The following LRRTM4 variants were observed in gnomAD, a reference collection of about 807,000 sequenced individuals.
LRRTM4 encodes leucine-rich repeat transmembrane neuronal protein 4.
In LRRTM4, 25 loss-of-function variants were observed where a neutral mutation model predicts 47.6. The observed-to-expected ratio is 0.53, with a 90% CI of 0.38 to 0.73. The LOEUF is 0.73. LRRTM4 is among the 30% of genes least tolerant of loss of function. LRRTM4 has a pLI of 0.00. For synonymous variants in LRRTM4, 311 were observed against 269.5 expected (o/e 1.15, Z -1.51); for missense variants, 638 against 713.4 (o/e 0.89, Z 1.20).
At chr2:77,139,678 C>G (rs1368435379) in intron 3 of LRRTM4, among the ~76,000 whole-genome samples, 1 of 152,140 alleles carries the variant, frequency 6.6e-6, no homozygotes, top group Non-Finnish European at 1.5e-5. Flanking sequence ...AAGAGGAAGT[C>G]AAATTGTCCC....
At chr2:76,791,174 C>A (rs561794878) in intron 3 of LRRTM4, among the ~76,000 whole-genome samples, 1 of 152,210 alleles carries the variant, frequency 6.6e-6, no homozygotes, top group African/African-American at 2.4e-5. Flanking sequence ...AATGATAGAA[C>A]CACAGGGCAT....
At chr2:76,880,658 T>C (rs1172895711) in intron 3 of LRRTM4, among the ~76,000 whole-genome samples, 3 of 152,106 alleles carry the variant, frequency 2.0e-5, no homozygotes, top group Non-Finnish European at 4.4e-5. Flanking sequence ...AAAAAACCTC[T>C]GTGGGGCCAG....
intron 3 of LRRTM4, among the ~76,000 whole-genome samples, chr2:77,460,289 G>A (rs1424948665): frequency 6.6e-6 from 1 of 152,072 alleles, no homozygotes; most frequent in African/African-American, 2.4e-5. Flanking sequence ...CATATTAACT[G>A]CATTTTATTA....
At chr2:77,516,418 G>T (rs1233403173) in intron 3 of LRRTM4, among the ~76,000 whole-genome samples, 1 of 151,566 alleles carries the variant, frequency 6.6e-6, no homozygotes, top group Non-Finnish European at 1.5e-5. Context: ...CTCAAATCCT[G>T]GTTCTTTAAG....
At chr2:77,162,580 C>T (rs112044152) in intron 3 of LRRTM4, among the ~76,000 whole-genome samples, 5,987 of 152,146 alleles carry the variant, frequency 0.039, 229 homozygotes, top group African/African-American at 0.099. Flanking sequence ...CAGTAGGGAC[C>T]GACTGACCCC....
chr2:77,515,167 A>G (rs1922823), intron 3 of LRRTM4, among the ~76,000 whole-genome samples: 91,349 of 151,602 alleles, frequency 0.6, 27,910 homozygotes, highest in Non-Finnish European at 0.64. Context: ...GCTATAATTC[A>G]TATTAATTAC....
chr2:77,176,093 C>T (rs1025796594), intron 3 of LRRTM4, among the ~76,000 whole-genome samples: 4 of 151,802 alleles, frequency 2.6e-5, no homozygotes, highest in Admixed American at 1.3e-4. Flanking sequence ...ACCGGAGATC[C>T]CCTTAATGTG....
At chr2:76,879,626 T>A (rs941812752) in intron 3 of LRRTM4, among the ~76,000 whole-genome samples, 1 of 152,218 alleles carries the variant, frequency 6.6e-6, no homozygotes, top group Admixed American at 6.5e-5. Flanking sequence ...TAACTCAGTA[T>A]CCTTTCTTCA....
intron 3 of LRRTM4, among the ~76,000 whole-genome samples, chr2:77,182,555 A>G (rs1215934691): frequency 1.3e-5 from 2 of 152,152 alleles, no homozygotes; most frequent in South Asian, 2.1e-4. Flanking sequence ...GTAAAATTAA[A>G]AAAAACATAA....
chr2:76,998,657 T>C (rs1040831959), intron 3 of LRRTM4, among the ~76,000 whole-genome samples: 5 of 151,126 alleles, frequency 3.3e-5, no homozygotes, highest in African/African-American at 1.2e-4. Flanking sequence ...AATTTACGTG[T>C]ATCCCGTTGG....
chr2:77,349,215 G>A lies in LRRTM4; in HGVS notation c.1551+169103C>T, dbSNP rs139797143. Among the ~76,000 whole-genome samples, 6 of 151,900 alleles carry A rather than the reference G, an allele frequency of 3.9e-5. No individual in the cohort carries two copies. The South Asian group carries it at 6.2e-4, about 16-fold the overall frequency. ...AATTAATTATTGACTTTTGTACCTTGGCTGCATATAAAGTAAATACATTAA... is the reference window on the plus strand; with the variant it reads ...AATTAATTATTGACTTTTGTACCTTAGCTGCATATAAAGTAAATACATTAA... On this transcript the variant is annotated intron_variant, in intron 3 of 3. Coordinates refer to ENST00000409884, the MANE Select transcript of LRRTM4 (RefSeq NM_001134745.3).
At chr2:77,123,686 C>T (rs1282142199) in intron 3 of LRRTM4, among the ~76,000 whole-genome samples, 1 of 151,812 alleles carries the variant, frequency 6.6e-6, no homozygotes, top group Admixed American at 6.6e-5. Flanking sequence ...TATTTCTTTG[C>T]TTTTTAAATT....
chr2:77,480,097 A>C (rs1408716026), intron 3 of LRRTM4, among the ~76,000 whole-genome samples: 1 of 152,136 alleles, frequency 6.6e-6, no homozygotes, highest in Non-Finnish European at 1.5e-5. Context: ...GCAGCATTGA[A>C]ATTTGATGTC....
intron 3 of LRRTM4, among the ~76,000 whole-genome samples, chr2:76,788,699 G>C (rs1254816701): frequency 6.6e-6 from 1 of 152,164 alleles, no homozygotes; most frequent in Non-Finnish European, 1.5e-5. Context: ...GTGTGTCTTT[G>C]TTCAGTGTCC....
intron 3 of LRRTM4, among the ~76,000 whole-genome samples, chr2:77,421,051 A>T (rs1026599944): frequency 1.3e-5 from 2 of 151,658 alleles, no homozygotes; most frequent in African/African-American, 4.8e-5. Flanking sequence ...TATAGCAGGA[A>T]ACAAGGCCAC....
chr2:76,993,717 A>C (rs1158407110), intron 3 of LRRTM4, among the ~76,000 whole-genome samples: 5 of 151,910 alleles, frequency 3.3e-5, no homozygotes, highest in Non-Finnish European at 2.9e-5. Context: ...AGAAGTAAAA[A>C]TAGAACTACT....
At chr2:77,162,291 T>C (rs1210081531) in intron 3 of LRRTM4, among the ~76,000 whole-genome samples, 2 of 152,190 alleles carry the variant, frequency 1.3e-5, no homozygotes, top group Non-Finnish European at 2.9e-5. Context: ...CTGCCATTGC[T>C]GAGGCTTCAG....
chr2:76,861,660 T>C (rs557827424), intron 3 of LRRTM4, among the ~76,000 whole-genome samples: 5 of 152,326 alleles, frequency 3.3e-5, no homozygotes, highest in African/African-American at 1.2e-4. Flanking sequence ...GCTGATTTGA[T>C]AAAAGTATGG....
chr2:77,463,743 A>AT (rs1456752729), intron 3 of LRRTM4, among the ~76,000 whole-genome samples: 1 of 152,094 alleles, frequency 6.6e-6, no homozygotes, highest in African/African-American at 2.4e-5. Flanking sequence ...TGATGTACAT[A>AT]TTTTATCATA....
Sources: allele counts gnomAD v4.1 joint callset (sites outside exome capture counted in the v4.1 genomes callset), GRCh38; gene constraint gnomAD v4.1.1; transcripts MANE v1.5; gene names NCBI Gene and HGNC (gene_info 2026-07-23, HGNC 2026-07-21).